PCDHGA3: variants seen among roughly 807,000 people sequenced by gnomAD.
PCDHGA3 encodes the protein protocadherin gamma subfamily A, 3, also known as protocadherin gamma-A3.
PCDHGA3 carries 40 observed loss-of-function variants against 58.5 expected under a neutral mutation model. The observed-to-expected ratio is 0.68, with a 90% CI of 0.53 to 0.89. PCDHGA3 has a LOEUF of 0.89. Among genes scored for constraint, PCDHGA3 ranks in the 40% least tolerant of loss-of-function variants. The pLI, the probability that PCDHGA3 is intolerant of heterozygous loss-of-function variation, is 0.00. For missense variants in PCDHGA3, 1,223 were observed against 1,195.9 expected, an observed-to-expected ratio of 1.02 and a Z score of -0.33; for synonymous variants, 530 against 525.7, an observed-to-expected ratio of 1.01 and a Z score of -0.11.
chr5:141,510,435 C>T (rs938448523), intron 3 of PCDHGA3, among the ~76,000 whole-genome samples: 2 of 152,108 alleles, frequency 1.3e-5, no homozygotes, highest in Non-Finnish European at 2.9e-5. Context: ...ATGGCTGCTG[C>T]CCTCCAGGAG....
chr5:141,437,938 A>G (rs1042890704), intron 1 of PCDHGA3, among the ~76,000 whole-genome samples: 4 of 152,132 alleles, frequency 2.6e-5, no homozygotes, highest in African/African-American at 9.7e-5. Flanking sequence ...GGGTTTCACC[A>G]TATTGGCCAG....
intron 1 of PCDHGA3, chr5:141,364,455 G>C (rs753233498): frequency 1.9e-6 from 3 of 1,614,000 alleles, no homozygotes; most frequent in South Asian, 1.1e-5. Flanking sequence ...CTGGACAAAG[G>C]CTCCTTCGTC....
chr5:141,462,354 C>T (rs1157515386), intron 1 of PCDHGA3, among the ~76,000 whole-genome samples: 1 of 152,162 alleles, frequency 6.6e-6, no homozygotes, highest in Non-Finnish European at 1.5e-5. Flanking sequence ...CAAAAATATA[C>T]ATTGTATAGT....
At chr5:141,415,508 A>G in intron 1 of PCDHGA3, 2 of 1,614,168 alleles carry the variant, frequency 1.2e-6, no homozygotes, top group Non-Finnish European at 1.7e-6. Flanking sequence ...CCCCAGCCCA[A>G]TTATGCGGAC....
chr5:141,479,466 C>G (rs1004384273), intron 1 of PCDHGA3: 1 of 152,224 alleles, frequency 6.6e-6, no homozygotes, highest in Non-Finnish European at 1.5e-5. Flanking sequence ...AATACAGTGA[C>G]CTCTTGGGAG....
chr5:141,414,550 G>A (rs773044624), intron 1 of PCDHGA3: 1 of 1,613,948 alleles, frequency 6.2e-7, no homozygotes, highest in East Asian at 2.2e-5. Flanking sequence ...CTTCTCTCAA[G>A]TCTCCTACTT....
At chr5:141,482,840 G>A (rs1343123459) in intron 1 of PCDHGA3, among the ~76,000 whole-genome samples, 2 of 152,212 alleles carry the variant, frequency 1.3e-5, no homozygotes, top group Admixed American at 6.5e-5. Context: ...GGGAGGCCAA[G>A]GTGGGCAGAT....
chr5:141,399,902 C>T, intron 1 of PCDHGA3: 3 of 1,612,490 alleles, frequency 1.9e-6, no homozygotes, highest in Non-Finnish European at 8.5e-7. Context: ...GCCGTGGACG[C>T]AGACTCAGGA....
chr5:141,428,040 G>T, intron 1 of PCDHGA3: 1 of 1,608,668 alleles, frequency 6.2e-7, no homozygotes, highest in Non-Finnish European at 8.5e-7. Flanking sequence ...CGGCTACCTG[G>T]TGACCAAGGT....
intron 1 of PCDHGA3, chr5:141,415,642 A>T (rs1418546981): frequency 6.0e-6 from 5 of 831,836 alleles, no homozygotes; most frequent in Middle Eastern, 2.6e-4. Flanking sequence ...TACTTTTGTT[A>T]AAAAAAAAAA....
At chr5:141,378,925 T>C (rs1202116224) in intron 1 of PCDHGA3, 1 of 152,246 alleles carries the variant, frequency 6.6e-6, no homozygotes, top group African/African-American at 2.4e-5. Context: ...CAAAAGTAAG[T>C]TGATGGCCCT....
At position 141,354,371 on chromosome 5, in the gene PCDHGA3, C is replaced by CA. The variant is rs569846378; in HGVS notation, c.2424+7915dup. Among the ~76,000 whole-genome samples the CA allele has an allele frequency of 7.9e-4, 120 of 152,302 alleles. 1 individual carries two copies. Among genetic ancestry groups the CA allele is most frequent in the African/African-American group, 2.5e-3 (105 of 41,576 alleles). On this transcript the variant is annotated intron_variant, in intron 1 of 3. Coordinates refer to ENST00000253812, the MANE Select transcript of PCDHGA3 (RefSeq NM_018916.4). ...GAGAACACATTGTGAACAAGATAGTCATATGCATAGCTTGTGGCCAAGAAT... is the reference window on the plus strand; with the variant it reads ...GAGAACACATTGTGAACAAGATAGTCAATATGCATAGCTTGTGGCCAAGAAT...
At chr5:141,448,692 G>A (rs913533738) in intron 1 of PCDHGA3, among the ~76,000 whole-genome samples, 6 of 152,072 alleles carry the variant, frequency 3.9e-5, no homozygotes, top group African/African-American at 9.7e-5. Context: ...TGTAATCGCA[G>A]CACTTTGGGA....
intron 1 of PCDHGA3, among the ~76,000 whole-genome samples, chr5:141,454,222 T>C (rs1411974754): frequency 6.6e-6 from 1 of 152,118 alleles, no homozygotes; most frequent in African/African-American, 2.4e-5. Flanking sequence ...ATGAGAAAAG[T>C]AATTGTGATG....
rs901230493 is a variant in PCDHGA3, at chr5:141,487,514, C to T, written c.2425-7293C>T. 7 of 1,614,150 alleles carry T rather than the reference C, an allele frequency of 4.3e-6. No homozygotes were observed. The highest frequency in any genetic ancestry group is 1.1e-5 in the South Asian group (1 of 91,070). On this transcript the variant is annotated intron_variant, in intron 1 of 3. Transcript: ENST00000253812. The surrounding 1 kb of genome is among the most constrained non-coding windows in gnomAD (Gnocchi z 5.0). Reference sequence around the variant, plus strand: ...TACACCCTTGGCTTCTGCACCCACTCGGAGTGATAGCTTCATGATGGTGAA... The same window carrying T: ...TACACCCTTGGCTTCTGCACCCACTTGGAGTGATAGCTTCATGATGGTGAA...
intron 1 of PCDHGA3, among the ~76,000 whole-genome samples, chr5:141,381,823 CTTCTT>C (rs1323470445): frequency 1.5e-4 from 15 of 101,616 alleles, no homozygotes; most frequent in African/African-American, 5.6e-4. Context: ...TTTCTTTCTT[CTTCTT>C]TTTTTTTTTT....
At chr5:141,377,979 G>A (rs887213407) in intron 1 of PCDHGA3, 1 of 152,086 alleles carries the variant, frequency 6.6e-6, no homozygotes, top group African/African-American at 2.4e-5. Context: ...ATGTTCCTGG[G>A]TTGCAATCCT....
intron 1 of PCDHGA3, chr5:141,424,527 A>G (rs1164206187): frequency 1.3e-5 from 2 of 152,214 alleles, no homozygotes; most frequent in African/African-American, 2.4e-5. Flanking sequence ...GTAAATCCAT[A>G]TATAGAAATA....
intron 1 of PCDHGA3, among the ~76,000 whole-genome samples, chr5:141,482,592 C>T (rs187714622): frequency 1.0e-4 from 15 of 142,934 alleles, no homozygotes; most frequent in East Asian, 6.1e-4. Context: ...TGGGACCAAA[C>T]GGGAAAAAAC....
Sources: gnomAD v4.1 joint callset for allele counts (sites outside exome capture counted in the v4.1 genomes callset) on GRCh38, gnomAD v4.1.1 for gene constraint, Gnocchi (gnomAD v3.1) non-coding constraint, MANE v1.5 for transcripts, NCBI Gene and HGNC (gene_info 2026-07-23, HGNC 2026-07-21) for gene names.